The following PLB1 variants were observed in gnomAD, a reference collection of about 807,000 sequenced individuals.
PLB1 encodes phospholipase B1, membrane-associated.
Under a neutral mutation model 227.4 loss-of-function variants are expected in PLB1, and 242 were observed. The observed-to-expected ratio is 1.06, with a 90% confidence interval of 0.96 to 1.18. The LOEUF is 1.18. Among genes scored for constraint, PLB1 ranks in the 50% most tolerant of loss-of-function variants. The probability of loss-of-function intolerance (pLI) is 0.00; values close to 1 mark genes in which losing one functional copy is unlikely to be tolerated. For synonymous variants in PLB1, 757 were observed against 682.2 expected (o/e 1.11, Z -1.71); for missense variants, 1,858 against 1,816.3 (o/e 1.02, Z -0.42).
At chr2:28,576,157 C>G (rs1678891042) in intron 21 of PLB1, among the ~76,000 whole-genome samples, 1 of 152,204 alleles carries the variant, frequency 6.6e-6, no homozygotes, top group Non-Finnish European at 1.5e-5. Context: ...CCAAGCACAT[C>G]CTGGGTGGCA....
At chr2:28,606,038 T>TG in intron 42 of PLB1, 90 bp downstream of exon 42, 1 of 1,026,094 alleles carries the variant, frequency 9.7e-7, no homozygotes, top group East Asian at 2.4e-5. Flanking sequence ...CAAGTGAGGC[T>TG]GAGGGGGCAG....
chr2:28,566,505 C>G (rs1000862176), intron 19 of PLB1: 2 of 411,790 alleles, frequency 4.9e-6, no homozygotes, highest in African/African-American at 2.0e-5. Context: ...GGGACTACTT[C>G]CCCTTTGAAA....
chr2:28,548,075 C>G (rs998563457), intron 14 of PLB1, among the ~76,000 whole-genome samples: 1 of 152,074 alleles, frequency 6.6e-6, no homozygotes, highest in African/African-American at 2.4e-5. Flanking sequence ...ACTAGATACT[C>G]TAGCGGTTTG....
chr2:28,601,037 GCTTTGTTGCTGGGTACAGCGACA>G (rs147764726), intron 36 of PLB1, among the ~76,000 whole-genome samples, 177 bp downstream of exon 36: 7,467 of 152,218 alleles, frequency 0.049, 599 homozygotes, highest in African/African-American at 0.17. Flanking sequence ...AATGGAGAGA[GCTTTGTTGCTGGGTACAGCGACA>G]CTGAAAATCC....
intron 50 of PLB1, 102 bp from the exon 51 acceptor site, chr2:28,626,322 TATAA>T: frequency 1.1e-6 from 1 of 872,568 alleles, no homozygotes; most frequent in East Asian, 2.5e-5. Flanking sequence ...TCTGTTACAG[TATAA>T]ATAAGACAAA....
chr2:28,576,249 A>G (rs181587344), intron 21 of PLB1, among the ~76,000 whole-genome samples: 1 of 152,240 alleles, frequency 6.6e-6, no homozygotes, highest in Non-Finnish European at 1.5e-5. Context: ...GAACAAATGC[A>G]TCGACTTGAC....
chr2:28,547,079 T>C (rs955109390), intron 14 of PLB1, among the ~76,000 whole-genome samples: 3 of 151,892 alleles, frequency 2.0e-5, no homozygotes, highest in Admixed American at 6.6e-5. Flanking sequence ...CACACACCTA[T>C]AGTCCCAGCT....
At chr2:28,610,366 G>A (rs1685270575) in intron 43 of PLB1, among the ~76,000 whole-genome samples, 1 of 151,624 alleles carries the variant, frequency 6.6e-6, no homozygotes, top group Admixed American at 6.6e-5. Flanking sequence ...GCCCAGGCTG[G>A]TCTCAAACTC....
chr2:28,511,343 T>C (rs766944210), intron 1 of PLB1, among the ~76,000 whole-genome samples: 1 of 152,240 alleles, frequency 6.6e-6, no homozygotes, highest in Non-Finnish European at 1.5e-5. Context: ...TAAGAATGAT[T>C]CTTGTCTAGA....
intron 17 of PLB1, 57 bp downstream of exon 17, chr2:28,553,048 GT>G: frequency 6.8e-7 from 1 of 1,471,466 alleles, no homozygotes; most frequent in Non-Finnish European, 9.5e-7. Flanking sequence ...AATCATCCAA[GT>G]AAGGGCTTTC....
chr2:28,584,763 C>A (rs188617290), intron 25 of PLB1, among the ~76,000 whole-genome samples: 152 of 152,334 alleles, frequency 1.0e-3, no homozygotes, highest in African/African-American at 3.5e-3. Context: ...CTGTTATCAC[C>A]TCATCCCCCT....
At chr2:28,522,939 T>A (rs1226950856) in intron 4 of PLB1, among the ~76,000 whole-genome samples, 1 of 152,132 alleles carries the variant, frequency 6.6e-6, no homozygotes, top group East Asian at 1.9e-4. Context: ...TGGAAGACAG[T>A]GAATTTAAGA....
chr2:28,566,282 A>T (rs1197294300), intron 19 of PLB1, among the ~76,000 whole-genome samples: 1 of 151,894 alleles, frequency 6.6e-6, no homozygotes, highest in African/African-American at 2.4e-5. Context: ...AATCCAATCC[A>T]CTCTGGAATG....
chr2:28,571,485 A>G (rs1228380697), intron 20 of PLB1, among the ~76,000 whole-genome samples: 1 of 152,228 alleles, frequency 6.6e-6, no homozygotes, highest in African/African-American at 2.4e-5. Context: ...AGGGACCCAG[A>G]ATATCCCAAG....
chr2:28,619,564 C>CTTTTTTTTTTTTTTTTTTTTT (rs1686720475), intron 46 of PLB1, among the ~76,000 whole-genome samples: 1 of 138,998 alleles, frequency 7.2e-6, no homozygotes, highest in Non-Finnish European at 1.5e-5. Flanking sequence ...TTAGAGAAAG[C>CTTTTTTTTTTTTTTTTTTTTT]TGTATAGAGG....
intron 56 of PLB1, among the ~76,000 whole-genome samples, chr2:28,636,047 ATG>A (rs369111026): frequency 3.5e-5 from 5 of 144,696 alleles, no homozygotes; most frequent in African/African-American, 7.9e-5. Flanking sequence ...GTGTGTATGT[ATG>A]TGTATGTGTG....
intron 1 of PLB1, among the ~76,000 whole-genome samples, chr2:28,508,625 G>A (rs1303539660): frequency 6.6e-6 from 1 of 152,200 alleles, no homozygotes; most frequent in African/African-American, 2.4e-5. Context: ...GTCACCCACA[G>A]GACCTGCTTA....
intron 55 of PLB1, 47 bp downstream of exon 55, chr2:28,632,187 A>G (rs373566600): frequency 4.8e-6 from 7 of 1,459,088 alleles, no homozygotes; most frequent in Non-Finnish European, 6.7e-6. Flanking sequence ...GGGCCTTATC[A>G]CAGACGATGG....
intron 56 of PLB1, among the ~76,000 whole-genome samples, chr2:28,633,963 A>C (rs1251130099): frequency 6.6e-6 from 1 of 152,190 alleles, no homozygotes; most frequent in Non-Finnish European, 1.5e-5. Context: ...ACCGCTGTGC[A>C]AACGTTCCCA....
Sources: allele counts gnomAD v4.1 joint callset (sites outside exome capture counted in the v4.1 genomes callset), GRCh38; gene constraint gnomAD v4.1.1; transcripts MANE v1.5; gene names NCBI Gene and HGNC (gene_info 2026-07-23, HGNC 2026-07-21).